The following AVEN variants were observed in gnomAD, a reference collection of about 807,000 sequenced individuals.
AVEN encodes the protein cell death regulator Aven.
Under a neutral mutation model 38.1 loss-of-function variants are expected in AVEN, and 41 were observed. That is an observed-to-expected ratio of 1.08 (90% confidence interval 0.84 to 1.40). The LOEUF (loss-of-function observed/expected upper bound fraction) is 1.40, where lower values mean the gene tolerates loss of function less well. Ranked by LOEUF, AVEN falls within the 40% of genes most tolerant of loss-of-function variation. The probability of loss-of-function intolerance (pLI) is 0.00; values close to 1 mark genes in which losing one functional copy is unlikely to be tolerated. For missense variants in AVEN, 605 were observed against 438.8 expected, an observed-to-expected ratio of 1.38 and a Z score of -3.38; for synonymous variants, 206 against 171.8, an observed-to-expected ratio of 1.20 and a Z score of -1.56.
chr15:33,888,192 T>G lies in AVEN; in HGVS notation c.446-12197A>C, dbSNP rs564644534. 2.0e-5 allele frequency among the ~76,000 whole-genome samples: 3 copies of G among 152,286 alleles called. No individual in the cohort carries two copies. The East Asian group carries it at 5.8e-4, about 29-fold the overall frequency. ...GTTAAGAGCCAGATACTGTATTAAG[T>G]GCTGAAAATATAAAATTAAATAGAT... On this transcript the variant is annotated intron_variant, in intron 2 of 5. Coordinates refer to ENST00000306730, the MANE Select transcript of AVEN (RefSeq NM_020371.3).
At chr15:33,875,859 G>GT in intron 3 of AVEN, 66 bp downstream of exon 3, 2 of 1,408,874 alleles carry the variant, frequency 1.4e-6, no homozygotes, top group Non-Finnish European at 2.0e-6. Context: ...TCTCAAGAAC[G>GT]TAAAAGGTGT....
chr15:34,036,154 G>C (rs1239556908), intron 1 of AVEN, among the ~76,000 whole-genome samples: 5 of 151,858 alleles, frequency 3.3e-5, no homozygotes, highest in Non-Finnish European at 5.9e-5. Flanking sequence ...TGCTTCTAGT[G>C]AGTATTCCGT....
At chr15:33,963,051 CAGTT>C (rs911525298) in intron 2 of AVEN, among the ~76,000 whole-genome samples, 10 of 150,832 alleles carry the variant, frequency 6.6e-5, no homozygotes, top group African/African-American at 1.7e-4. Context: ...CAACTCCTAA[CAGTT>C]AGATGCCTAT....
At chr15:34,003,519 G>A (rs1024039400) in intron 1 of AVEN, among the ~76,000 whole-genome samples, 5 of 152,164 alleles carry the variant, frequency 3.3e-5, no homozygotes, top group African/African-American at 1.2e-4. Flanking sequence ...AATCAAGGCT[G>A]TAAGCATCTT....
chr15:33,975,177 G>A (rs957146622), intron 2 of AVEN, among the ~76,000 whole-genome samples: 2 of 152,058 alleles, frequency 1.3e-5, no homozygotes, highest in East Asian at 1.9e-4. Flanking sequence ...TCCTCCACAC[G>A]CTTCTTGGAC....
chr15:33,892,451 C>G (rs1213683530), intron 2 of AVEN, among the ~76,000 whole-genome samples: 1 of 151,812 alleles, frequency 6.6e-6, no homozygotes, highest in Non-Finnish European at 1.5e-5. Context: ...ATATGGCTAG[C>G]CAGTTTTACC....
At chr15:33,853,221 G>A in the AVEN span, 2 of 925,386 alleles carry the variant, frequency 2.2e-6, no homozygotes, top group Non-Finnish European at 1.6e-6. Flanking sequence ...GTAAGTCACA[G>A]AAGGGGTTGG....
In AVEN at chr15:33,866,426, G is replaced by C; in HGVS notation, c.*187C>G. ...AGATTACTAAGCCAGAAAAACAAAT[G>C]CAACAAGCTGCTTCAATGTATTCTT... On this transcript the variant is annotated 3_prime_UTR_variant, in exon 6 of 6. Transcript: ENST00000306730. 1.7e-6 allele frequency: 1 copy of C among 586,068 alleles called. No individual in the cohort carries two copies. Among genetic ancestry groups the C allele is most frequent in the East Asian group, 2.8e-5 (1 of 35,524 alleles). The allele number at this position is 586,068 out of a possible 1,614,324, so 36.3% of individuals were successfully genotyped here.
Position 33,880,888 on chromosome 15 carries a change from C to T in AVEN, c.446-4893G>A, listed in dbSNP as rs528607991. On this transcript the variant is annotated intron_variant, in intron 2 of 5. Coordinates refer to ENST00000306730, the MANE Select transcript of AVEN (RefSeq NM_020371.3). ...TAGGAACATCATAAACAATGACATC[C>T]ATGAAGGCATCTTTGATGCACACAA... 1.1e-4 allele frequency among the ~76,000 whole-genome samples: 16 copies of T among 152,104 alleles called. No homozygotes were observed. The East Asian group carries it at 1.7e-3, about 16-fold the overall frequency.
At chr15:33,938,184 G>C (rs968197587) in intron 2 of AVEN, among the ~76,000 whole-genome samples, 4 of 152,056 alleles carry the variant, frequency 2.6e-5, no homozygotes, top group Non-Finnish European at 4.4e-5. Context: ...GGCCAGTCGC[G>C]GTGGCTCACG....
At chr15:33,889,304 G>C (rs1275348690) in intron 2 of AVEN, among the ~76,000 whole-genome samples, 2 of 152,056 alleles carry the variant, frequency 1.3e-5, no homozygotes, top group Non-Finnish European at 2.9e-5. Flanking sequence ...TTTAATCTCT[G>C]TCAGTATAAC....
intron 2 of AVEN, among the ~76,000 whole-genome samples, chr15:33,945,791 T>C (rs1258883770): frequency 6.6e-6 from 1 of 152,144 alleles, no homozygotes; most frequent in Non-Finnish European, 1.5e-5. Context: ...TTCGCTATGT[T>C]GGCCAGGATA....
rs1342103513 is a variant in AVEN, at chr15:34,038,777, T to TA, written c.267+2dup. ...CCCAGCCCCACCAGCCGTCGCCTCT[T>TA]ACCGGCGCGCTGGCCCCTGCGCCCC... On this transcript the variant is annotated splice_region_variant and intron_variant, in intron 1 of 5. Coordinates refer to ENST00000306730, the MANE Select transcript of AVEN (RefSeq NM_020371.3). The TA allele has an allele frequency of 8.6e-7, 1 of 1,169,578 alleles. No individual in the cohort carries two copies. Among genetic ancestry groups the TA allele is most frequent in the African/African-American group, 1.6e-5 (1 of 60,796 alleles). The allele number at this position is 1,169,578 out of a possible 1,614,324, so 72.5% of individuals were successfully genotyped here. A position where few individuals can be genotyped will look rare whatever the true frequency, so the allele number is the denominator to read the frequency against.
downstream of AVEN, chr15:33,858,053 A>T: frequency 4.4e-6 from 5 of 1,135,200 alleles, no homozygotes; most frequent in Non-Finnish European, 6.1e-6. Flanking sequence ...AGATTAAAGT[A>T]GAAGACAGAT....
intron 2 of AVEN, among the ~76,000 whole-genome samples, chr15:33,970,827 G>C (rs901530371): frequency 6.6e-6 from 1 of 151,820 alleles, no homozygotes; most frequent in Non-Finnish European, 1.5e-5. Flanking sequence ...CCACTAATTT[G>C]GGGGCTTTGT....
intron 2 of AVEN, among the ~76,000 whole-genome samples, chr15:33,943,765 C>CTGTGACTTAA (rs1894405850): frequency 7.3e-6 from 1 of 137,738 alleles, no homozygotes; most frequent in African/African-American, 2.7e-5. Context: ...GCAGAGATTG[C>CTGTGACTTAA]TGTGACTTAA....
At chr15:34,038,366 G>C (rs889291749) in intron 1 of AVEN, among the ~76,000 whole-genome samples, 1 of 152,146 alleles carries the variant, frequency 6.6e-6, no homozygotes. Flanking sequence ...CTAATAACAG[G>C]AGCGTGCCCG....
chr15:33,979,721 T>G (rs143129881), intron 2 of AVEN, among the ~76,000 whole-genome samples: 32 of 152,222 alleles, frequency 2.1e-4, no homozygotes, highest in African/African-American at 6.8e-4. Flanking sequence ...GTTCATAACA[T>G]GTCAGCTTTA....
At chr15:33,924,189 A>G (rs527342130) in intron 2 of AVEN, among the ~76,000 whole-genome samples, 1 of 151,836 alleles carries the variant, frequency 6.6e-6, no homozygotes, top group African/African-American at 2.4e-5. Flanking sequence ...TGAGTGCCTA[A>G]AGCAATCAAG....
Sources: allele counts gnomAD v4.1 joint callset (sites outside exome capture counted in the v4.1 genomes callset), GRCh38; gene constraint gnomAD v4.1.1; transcripts MANE v1.5; gene names NCBI Gene and HGNC (gene_info 2026-07-23, HGNC 2026-07-21).